The following PSTPIP2 variants were observed in gnomAD, a reference collection of about 807,000 sequenced individuals.
PSTPIP2 encodes the protein proline-serine-threonine phosphatase-interacting protein 2.
A neutral mutation model predicts 63.3 loss-of-function variants in PSTPIP2; 33 were observed. The ratio of observed to expected loss-of-function variants is 0.52; its 90% confidence interval spans 0.40 to 0.70. PSTPIP2 has a LOEUF of 0.70. Ranked by LOEUF, PSTPIP2 falls within the 30% of genes least tolerant of loss-of-function variation. PSTPIP2 has a pLI of 0.00. For missense variants in PSTPIP2, 312 were observed against 400.7 expected (o/e 0.78, Z 1.89); for synonymous variants, 125 against 132.7 (o/e 0.94, Z 0.40).
At chr18:46,004,171 A>T (rs1041779942) in intron 6 of PSTPIP2, among the ~76,000 whole-genome samples, 1 of 152,198 alleles carries the variant, frequency 6.6e-6, no homozygotes, top group African/African-American at 2.4e-5. Context: ...AACTAACACT[A>T]TTTCTGTATT....
At chr18:46,069,343 A>T (rs1376684371) in intron 1 of PSTPIP2, among the ~76,000 whole-genome samples, 1 of 152,214 alleles carries the variant, frequency 6.6e-6, no homozygotes, top group African/African-American at 2.4e-5. Context: ...AGATACAATC[A>T]AAGTTAACCA....
chr18:46,005,675 A>G (rs113028423), intron 5 of PSTPIP2, 144 bp from the exon 6 acceptor site: 2 of 695,850 alleles, frequency 2.9e-6, no homozygotes, highest in Non-Finnish European at 2.3e-6. Flanking sequence ...AAAAGAGACC[A>G]AACAATTTGC....
chr18:45,992,021 G>A (rs1394871937), intron 11 of PSTPIP2, 38 bp from the exon 12 acceptor site: 2 of 1,595,618 alleles, frequency 1.3e-6, no homozygotes, highest in Non-Finnish European at 1.7e-6. Flanking sequence ...TGAAGAGGCA[G>A]GCGTCTTTCA....
rs1443170863 is a variant in PSTPIP2 at position 45,992,727 on chromosome 18, A to AT, written c.742-526dup. ...TTAATTTTTTATTTTTTATTTTATT[A>AT]TTTTTTTTTAGACAGAGTCTCGCTC... On this transcript the variant is annotated intron_variant, in intron 10 of 14. Transcript: ENST00000409746. Among the ~76,000 whole-genome samples the AT allele has an allele frequency of 3.4e-4, 51 of 150,076 alleles. No homozygotes were observed. In the Middle Eastern group the frequency reaches 0.01, roughly 30 times the overall value.
chr18:46,065,469 G>GTTGT (rs895291596), intron 1 of PSTPIP2, among the ~76,000 whole-genome samples: 9 of 150,474 alleles, frequency 6.0e-5, no homozygotes, highest in Non-Finnish European at 1.3e-4. Context: ...TTTGTTTTCG[G>GTTGT]TTGTTTGTTT....
intron 1 of PSTPIP2, among the ~76,000 whole-genome samples, chr18:46,071,242 A>T (rs1909381076): frequency 6.6e-6 from 1 of 152,118 alleles, no homozygotes; most frequent in Non-Finnish European, 1.5e-5. Context: ...GGGGGGAGGC[A>T]AGCAGGAGCC....
intron 1 of PSTPIP2, among the ~76,000 whole-genome samples, chr18:46,059,650 A>G (rs1368402583): frequency 2.0e-5 from 3 of 152,242 alleles, no homozygotes; most frequent in Non-Finnish European, 4.4e-5. Context: ...CTAAAATTCC[A>G]GAGAAAACAA....
Position 45,992,212 on chromosome 18 carries a change from A to T in PSTPIP2, c.742-10T>A. 1 of 1,567,494 alleles carries T rather than the reference A, an allele frequency of 6.4e-7. No homozygotes were observed. Among genetic ancestry groups the T allele is most frequent in the Non-Finnish European group, 8.7e-7 (1 of 1,153,892 alleles). On this transcript the variant is annotated splice_polypyrimidine_tract_variant and intron_variant, in intron 10 of 14. Coordinates refer to ENST00000409746, the MANE Select transcript of PSTPIP2 (RefSeq NM_024430.4). The stretch of plus-strand genomic sequence containing the variant: ...GGACTTGTTCGTACATCTAATAAAA[A>T]AAGGTCAATTAATAGGTAGAGGTAT...
At position 46,024,678 on chromosome 18, in the gene PSTPIP2, A is replaced by G; in HGVS notation, c.143T>C (p.Ile48Thr). Residue 48 changes from isoleucine to threonine, a missense_variant, in exon 3 of 15, where the codon ATT (isoleucine) becomes ACT (threonine). Transcript: ENST00000409746. ...CAGATCTTTGCCATACCTCTCTTCAATTGCTGCCCTAGGGGAACAGAAGAG... is the reference window on the plus strand; with the variant it reads ...CAGATCTTTGCCATACCTCTCTTCAGTTGCTGCCCTAGGGGAACAGAAGAG... ...FEDFLKERAAIEERYGKDLLN... is the reference protein window; with the variant it reads ...FEDFLKERAATEERYGKDLLN... 6.2e-7 allele frequency: 1 copy of G among 1,613,624 alleles called. No homozygotes were observed. Among genetic ancestry groups the G allele is most frequent in the Non-Finnish European group, 8.5e-7 (1 of 1,179,584 alleles).
chr18:46,053,224 G>GT (rs941425927), intron 1 of PSTPIP2, among the ~76,000 whole-genome samples: 9 of 151,810 alleles, frequency 5.9e-5, no homozygotes, highest in African/African-American at 2.2e-4. Flanking sequence ...TGTCCTTGAG[G>GT]TTTTTTTCCA....
intron 2 of PSTPIP2, among the ~76,000 whole-genome samples, chr18:46,031,075 C>A (rs573195526): frequency 2.2e-4 from 33 of 152,224 alleles, no homozygotes; most frequent in African/African-American, 7.0e-4. Context: ...TCTATTTAGT[C>A]CTTCCTTTCA....
chr18:45,993,838 C>A, intron 9 of PSTPIP2, 135 bp from the exon 10 acceptor site: 1 of 719,524 alleles, frequency 1.4e-6, no homozygotes. Context: ...GCTTCTCCCC[C>A]ACCACTGAGG....
chr18:46,040,332 A>G (rs1254027459), intron 1 of PSTPIP2: 1 of 290,566 alleles, frequency 3.4e-6, no homozygotes, highest in Non-Finnish European at 6.5e-6. Flanking sequence ...CACCCAAGTA[A>G]GTCAGGGTCA....
chr18:46,046,217 A>G (rs1908379374), intron 1 of PSTPIP2, among the ~76,000 whole-genome samples: 1 of 152,166 alleles, frequency 6.6e-6, no homozygotes, highest in African/African-American at 2.4e-5. Flanking sequence ...ACTTATTTCT[A>G]TGCTCCTTTT....
chr18:45,991,893 G>T lies in PSTPIP2; in HGVS notation c.920+9C>A. On this transcript the variant is annotated intron_variant, in intron 12 of 14. Coordinates refer to ENST00000409746, the MANE Select transcript of PSTPIP2 (RefSeq NM_024430.4). ...ATTTTTCTTCATATGAAAGGCAGCT[G>T]GTTATTACCTTGCCAAGTTAGGCCC... 6.3e-7 allele frequency: 1 copy of T among 1,588,850 alleles called. No homozygotes were observed. The highest frequency in any genetic ancestry group is 1.1e-5 in the South Asian group (1 of 89,962).
chr18:46,061,324 T>A (rs944769763), intron 1 of PSTPIP2, among the ~76,000 whole-genome samples: 59 of 146,832 alleles, frequency 4.0e-4, no homozygotes, highest in African/African-American at 1.4e-3. Flanking sequence ...AAAAAAAAAA[T>A]CATATATGAA....
rs927992010 is a variant in PSTPIP2 at position 46,028,646 on chromosome 18, T to C, written c.135-3960A>G. 12 of 825,316 alleles carry C rather than the reference T, an allele frequency of 1.5e-5. No homozygotes were observed. The African/African-American group carries it at 2.0e-4, about 14-fold the overall frequency. 51.1% of individuals were successfully genotyped at this position (825,316 alleles called of 1,614,324 possible). On this transcript the variant is annotated intron_variant, in intron 2 of 14. Transcript: ENST00000409746. ...AGCCAATTTGGGTGGATGAAGAAGA[T>C]GAAGATGAGGAAATGGTTGACATGA...
At chr18:46,001,063 A>C (rs2051660403) in intron 6 of PSTPIP2, among the ~76,000 whole-genome samples, 1 of 152,226 alleles carries the variant, frequency 6.6e-6, no homozygotes, top group South Asian at 2.1e-4. Context: ...TGTTAAGTGA[A>C]ATAAACCCTT....
chr18:46,040,909 G>A, intron 1 of PSTPIP2: 2 of 423,324 alleles, frequency 4.7e-6, no homozygotes, highest in South Asian at 1.7e-5. Flanking sequence ...GAGGGAGAAG[G>A]AGCTGGGCGC....
Sources: allele counts gnomAD v4.1 joint callset (sites outside exome capture counted in the v4.1 genomes callset), GRCh38; gene constraint gnomAD v4.1.1; transcripts MANE v1.5; gene names NCBI Gene and HGNC (gene_info 2026-07-23, HGNC 2026-07-21).